The following HRH1 variants were observed in gnomAD, a reference collection of about 807,000 sequenced individuals.
HRH1 encodes the protein histamine receptor H1, also known as histamine H1 receptor.
HRH1 carries 6 observed loss-of-function variants against 10.3 expected under a neutral mutation model. The ratio of observed to expected loss-of-function variants is 0.58; its 90% confidence interval spans 0.32 to 1.15. The LOEUF is 1.15. Ranked by LOEUF, HRH1 falls within the 50% of genes most tolerant of loss-of-function variation. The pLI, the probability that HRH1 is intolerant of heterozygous loss-of-function variation, is 0.05. For missense variants in HRH1, 514 were observed against 615.3 expected (o/e 0.84, Z 1.74); for synonymous variants, 242 against 236.7 (o/e 1.02, Z -0.21).
chr3:11,202,142 G>A lies in HRH1; in HGVS notation c.-36+47588G>A, dbSNP rs572042737. Among the ~76,000 whole-genome samples the A allele has an allele frequency of 4.6e-5, 7 of 152,284 alleles. No homozygotes were observed. The South Asian group carries it at 6.2e-4, about 14-fold the overall frequency. On this transcript the variant is annotated intron_variant, in intron 1 of 1. Transcript: ENST00000431010. ...TTTGAGGCTGGCCGCTGTAGCTCAC[G>A]CCTGTAATCCCAACACTTTGGGAGG...
At chr3:11,179,870 A>G (rs1270948878) in intron 1 of HRH1, among the ~76,000 whole-genome samples, 1 of 151,306 alleles carries the variant, frequency 6.6e-6, no homozygotes, top group Non-Finnish European at 1.5e-5. Flanking sequence ...CCCTGGGCTC[A>G]AGCAGTCCTC....
At chr3:11,240,168 C>T (rs1447184732) in intron 1 of HRH1, among the ~76,000 whole-genome samples, 2 of 152,112 alleles carry the variant, frequency 1.3e-5, no homozygotes, top group Non-Finnish European at 2.9e-5. Context: ...GGAAAATACC[C>T]CAAAAGGTGT....
chr3:11,225,611 A>G (rs1312285696), intron 1 of HRH1, among the ~76,000 whole-genome samples: 6 of 152,256 alleles, frequency 3.9e-5, no homozygotes, highest in South Asian at 2.1e-4. Context: ...TCAGACCCAC[A>G]TGTGACACCC....
rs1939896122 is a variant in HRH1 at position 11,259,924 on chromosome 3, A to G, written c.887A>G (p.Glu296Gly). 6.2e-7 allele frequency: 1 copy of G among 1,614,198 alleles called. No homozygotes were observed. The change falls in exon 2 of 2, where the codon GAA becomes GGA. Residue 296 changes from glutamate (E) to glycine (G), a missense_variant. Glu to Gly is a moderately conservative substitution (Grantham distance 98, BLOSUM62 -2). Coordinates refer to ENST00000431010, the MANE Select transcript of HRH1 (RefSeq NM_001098212.2). This position sits in a 1 kb window ranked among gnomAD's most constrained non-coding sequence, Gnocchi z 4.6. The stretch of plus-strand genomic sequence containing the variant: ...GTCTTCAGCCAAGAGGATGATAGAG[A>G]AGTAGACAAACTCTACTGCTTTCCA... ...PVVFSQEDDR[E>G]VDKLYCFPLD...
intron 1 of HRH1, among the ~76,000 whole-genome samples, chr3:11,191,469 G>T (rs1429725815): frequency 6.6e-6 from 1 of 152,212 alleles, no homozygotes; most frequent in Non-Finnish European, 1.5e-5. Flanking sequence ...TTAGTGGAAG[G>T]CTGAAGATGG....
chr3:11,226,544 T>A (rs1938887609), intron 1 of HRH1: 1 of 152,202 alleles, frequency 6.6e-6, no homozygotes, highest in African/African-American at 2.4e-5. Context: ...TGAAGTTACT[T>A]TTCCATATCG....
intron 1 of HRH1, among the ~76,000 whole-genome samples, chr3:11,161,178 G>T (rs1177944367): frequency 6.6e-6 from 1 of 152,204 alleles, no homozygotes; most frequent in African/African-American, 2.4e-5. Context: ...TGGTTCAGGG[G>T]CACAGAGCAC....
At chr3:11,241,556 G>C (rs1939336862) in intron 1 of HRH1, among the ~76,000 whole-genome samples, 1 of 151,992 alleles carries the variant, frequency 6.6e-6, no homozygotes, top group African/African-American at 2.4e-5. Flanking sequence ...CACTCAGGCT[G>C]GGCACGGTGG....
rs1323044617 is a variant in HRH1, at chr3:11,217,877, G to A, written c.-35-41126G>A. On this transcript the variant is annotated intron_variant, in intron 1 of 1. Transcript: ENST00000431010. ...AGCCCCACCTGCAGTCTGACCAAAG[G>A]GATCAATCCTGAGCCTGAGCCAGTC... Among the ~76,000 whole-genome samples the A allele has an allele frequency of 4.6e-5, 7 of 152,092 alleles. No homozygotes were observed. The East Asian group carries it at 9.7e-4, about 21-fold the overall frequency.
In HRH1 at chr3:11,244,945, C is replaced by A. The variant is rs533795282; in HGVS notation, c.-35-14058C>A. On this transcript the variant is annotated intron_variant, in intron 1 of 1. Transcript: ENST00000431010. ...ACTGGGGGCTTGCAGCTACTGGCAT[C>A]AAGTGAGTGGAGGCTAGGGATAATG... Among the ~76,000 whole-genome samples the A allele has an allele frequency of 5.3e-5, 8 of 152,228 alleles. No individual in the cohort carries two copies. The South Asian group carries it at 1.7e-3, about 32-fold the overall frequency.
At chr3:11,215,017 C>T (rs2125036554) in intron 1 of HRH1, among the ~76,000 whole-genome samples, 2 of 152,338 alleles carry the variant, frequency 1.3e-5, no homozygotes, top group Non-Finnish European at 2.9e-5. Context: ...AGTCTCTTGA[C>T]TCTACATAGT....
At chr3:11,223,691 T>C (rs892271431) in intron 1 of HRH1, among the ~76,000 whole-genome samples, 1 of 152,194 alleles carries the variant, frequency 6.6e-6, no homozygotes. Context: ...TGCTTCTGTC[T>C]TATATAAATT....
chr3:11,143,933 A>C (rs182295823), intron 1 of HRH1, among the ~76,000 whole-genome samples: 79 of 152,322 alleles, frequency 5.2e-4, no homozygotes, highest in African/African-American at 1.9e-3. Context: ...ACAAGTGGCC[A>C]AAAAAATATA....
At chr3:11,142,688 G>T (rs1391246154) in intron 1 of HRH1, among the ~76,000 whole-genome samples, 1 of 152,134 alleles carries the variant, frequency 6.6e-6, no homozygotes, top group Non-Finnish European at 1.5e-5. Context: ...GCCAAGACAG[G>T]CAGATCACGA....
At chr3:11,250,208 A>ATTTTT (rs71055857) in intron 1 of HRH1, among the ~76,000 whole-genome samples, 55 of 106,886 alleles carry the variant, frequency 5.1e-4, no homozygotes, top group African/African-American at 1.6e-3. Context: ...CACCCGGCTA[A>ATTTTT]TTTTTTTTTT....
At chr3:11,239,042 C>T (rs115738766) in intron 1 of HRH1, among the ~76,000 whole-genome samples, 79 of 152,310 alleles carry the variant, frequency 5.2e-4, no homozygotes, top group African/African-American at 1.9e-3. Flanking sequence ...TGTGGAATCA[C>T]TGAGTCATAT....
At position 11,262,475 on chromosome 3, in the gene HRH1, T is replaced by G. The variant is rs1374899452; in HGVS notation, c.*1974T>G. 6.0e-6 allele frequency: 1 copy of G among 167,114 alleles called. No individual in the cohort carries two copies. 10.4% of individuals were successfully genotyped at this position (167,114 alleles called of 1,614,324 possible). A position where few individuals can be genotyped will look rare whatever the true frequency, so the allele number is the denominator to read the frequency against. On this transcript the variant is annotated 3_prime_UTR_variant, in exon 2 of 2. Transcript: ENST00000431010. ...TAAAAAGCTTCATTCTCACTCTGCT[T>G]TGCATCCCCCAAACTTCTTGTTCAA...
intron 1 of HRH1, 137 bp from the exon 2 acceptor site, chr3:11,258,866 A>G: frequency 1.7e-6 from 1 of 589,698 alleles, no homozygotes; most frequent in South Asian, 2.4e-5. Flanking sequence ...GGAAAAGGGT[A>G]CATGGCTATT....
intron 1 of HRH1, among the ~76,000 whole-genome samples, chr3:11,244,594 T>C (rs1267009970): frequency 6.6e-6 from 1 of 152,236 alleles, no homozygotes; most frequent in Non-Finnish European, 1.5e-5. Flanking sequence ...GTGCTTTATC[T>C]AAAACCAACG....
Sources: gnomAD v4.1 joint callset for allele counts (sites outside exome capture counted in the v4.1 genomes callset) on GRCh38, gnomAD v4.1.1 for gene constraint, Gnocchi (gnomAD v3.1) non-coding constraint, MANE v1.5 for transcripts, NCBI Gene and HGNC (gene_info 2026-07-23, HGNC 2026-07-21) for gene names.